The following ATP10A variants were observed in gnomAD, a reference collection of about 807,000 sequenced individuals.
ATP10A encodes the protein ATPase phospholipid transporting 10A (putative).
A neutral mutation model predicts 147.8 loss-of-function variants in ATP10A; 111 were observed. That is an observed-to-expected ratio of 0.75 (90% CI 0.64 to 0.88). ATP10A has a LOEUF of 0.88. ATP10A is among the 40% of genes least tolerant of loss of function. ATP10A has a pLI of 0.00. For missense variants in ATP10A, 1,927 were observed against 1,959.0 expected (o/e 0.98, Z 0.31); for synonymous variants, 875 against 841.6 (o/e 1.04, Z -0.69).
At chr15:25,815,043 C>A (rs1891591543) in intron 1 of ATP10A, among the ~76,000 whole-genome samples, 1 of 152,108 alleles carries the variant, frequency 6.6e-6, no homozygotes, top group South Asian at 2.1e-4. Flanking sequence ...GAAAAAGATG[C>A]CCAACAGAAT....
At chr15:25,729,873 A>G (rs910735912) in intron 3 of ATP10A, among the ~76,000 whole-genome samples, 1 of 151,966 alleles carries the variant, frequency 6.6e-6, no homozygotes, top group Admixed American at 6.5e-5. Flanking sequence ...TATCCATTGC[A>G]CACCCCAGTG....
chr15:25,721,743 G>C lies in ATP10A; in HGVS notation c.1277C>G (p.Ser426Ter), dbSNP rs1386486819. ...CTCTGTCAAAGTGCCAGTTTTATCT[G>C]AGAAAATGTACTGTATCTGTCCTAA... ...EDLGQIQYIF[S>*]DKTGTLTENK... Residue 426 changes from serine to a stop codon, truncating the protein, a stop_gained, in exon 7 of 21, where the codon TCA becomes TGA. Coordinates refer to ENST00000555815, the MANE Select transcript of ATP10A (RefSeq NM_024490.4). LOFTEE classifies it high-confidence loss of function. 6.2e-7 allele frequency: 1 copy of C among 1,614,152 alleles called. No homozygotes were observed. The highest frequency in any genetic ancestry group is 8.5e-7 in the Non-Finnish European group (1 of 1,180,024).
Position 25,863,049 on chromosome 15 carries a change from C to A in ATP10A, c.48G>T (p.Arg16=). 7.9e-7 allele frequency: 1 copy of A among 1,258,942 alleles called. No homozygotes were observed. The highest frequency in any genetic ancestry group is 3.0e-5 in the South Asian group (1 of 33,852). 78.0% of individuals were successfully genotyped at this position (1,258,942 alleles called of 1,614,324 possible). ...GCGTCCTGCCCTCTCGGCGCCTCCG[C>A]CGTCCCGGAGGCCCGGGCTCCTCGG... ...AGTEEPGPPG[R]RRRREGRTRT... is the part of the protein sequence containing the mutation. Residue 16 remains arginine, a synonymous_variant, in exon 1 of 21, where the codon CGG becomes CGT. Transcript: ENST00000555815.
chr15:25,792,810 C>G (rs898857748), intron 1 of ATP10A, among the ~76,000 whole-genome samples: 7 of 151,906 alleles, frequency 4.6e-5, no homozygotes, highest in African/African-American at 1.7e-4. Flanking sequence ...CCATCTTTAC[C>G]TGCACAACTT....
chr15:25,720,567 G>A (rs1395800946), intron 7 of ATP10A, among the ~76,000 whole-genome samples: 1 of 151,886 alleles, frequency 6.6e-6, no homozygotes, highest in Non-Finnish European at 1.5e-5. Context: ...GGAGGGGAAG[G>A]GGAGGAAGGA....
chr15:25,761,767 T>C (rs1244270591), intron 2 of ATP10A, among the ~76,000 whole-genome samples: 1 of 152,246 alleles, frequency 6.6e-6, no homozygotes, highest in Non-Finnish European at 1.5e-5. Context: ...CCATTGTATC[T>C]AGGAGGTAAC....
At chr15:25,680,028 T>A in intron 20 of ATP10A, 54 bp from the exon 21 acceptor site, 1 of 1,581,102 alleles carries the variant, frequency 6.3e-7, no homozygotes, top group African/African-American at 1.4e-5. Context: ...GTGGTGTCTT[T>A]GAGCTTCCAG....
At chr15:25,792,697 A>T (rs12439329) in intron 1 of ATP10A, among the ~76,000 whole-genome samples, 77,489 of 151,590 alleles carry the variant, frequency 0.51, 20,174 homozygotes, top group South Asian at 0.65. Flanking sequence ...TGCACCAGGC[A>T]CCTCCAGAGT....
At chr15:25,829,459 A>C (rs1291607488) in intron 1 of ATP10A, among the ~76,000 whole-genome samples, 1 of 152,220 alleles carries the variant, frequency 6.6e-6, no homozygotes, top group East Asian at 1.9e-4. Context: ...GTTCTTTCAA[A>C]AAAATTTTTT....
chr15:25,707,306 T>A (rs1901089890), intron 12 of ATP10A, among the ~76,000 whole-genome samples: 1 of 152,128 alleles, frequency 6.6e-6, no homozygotes, highest in Non-Finnish European at 1.5e-5. Flanking sequence ...GCTCGAGAAG[T>A]ACCACCTGAC....
chr15:25,697,263 C>A (rs997524294), intron 13 of ATP10A, among the ~76,000 whole-genome samples: 11 of 152,174 alleles, frequency 7.2e-5, no homozygotes, highest in Non-Finnish European at 1.5e-4. Context: ...GCCTTTGAAA[C>A]CAACACCCAG....
Position 25,810,361 on chromosome 15 carries a change from C to G in ATP10A, c.450-29138G>C, listed in dbSNP as rs531716120. ...ACCTACCGGGACCAAGCCCTAGGTA[C>G]CTGCACCGCTCAGCTGTCACCACTG... On this transcript the variant is annotated intron_variant, in intron 1 of 20. Transcript: ENST00000555815. Among the ~76,000 whole-genome samples, 4 of 152,308 alleles carry G rather than the reference C, an allele frequency of 2.6e-5. No individual in the cohort carries two copies. The South Asian group carries it at 8.3e-4, about 32-fold the overall frequency.
rs59769072 is a variant in ATP10A, at chr15:25,827,868, TA to T, written c.449+34779del. ...GGCAGAACTGACAGAATAGATTTTT[TA>T]AAAAGCACAATCCATCTATATGTGA... On this transcript the variant is annotated intron_variant, in intron 1 of 20. Transcript: ENST00000555815. Among the ~76,000 whole-genome samples the T allele has an allele frequency of 4.2e-3, 639 of 152,294 alleles. 3 individuals carry two copies. The highest frequency in any genetic ancestry group is 0.015 in the African/African-American group (614 of 41,560).
At chr15:25,793,882 C>T (rs1449640156) in intron 1 of ATP10A, among the ~76,000 whole-genome samples, 1 of 152,234 alleles carries the variant, frequency 6.6e-6, no homozygotes, top group Non-Finnish European at 1.5e-5. Context: ...AGATGCTCTG[C>T]TCTGTGGGAC....
intron 1 of ATP10A, among the ~76,000 whole-genome samples, chr15:25,791,261 TTTTC>T (rs142953924): frequency 0.42 from 63,920 of 151,346 alleles, 13,696 homozygotes; most frequent in Non-Finnish European, 0.46. Flanking sequence ...GGACATCTAC[TTTTC>T]TTTTAATGTG....
chr15:25,737,253 G>A (rs1306253455), intron 2 of ATP10A, among the ~76,000 whole-genome samples: 1 of 152,164 alleles, frequency 6.6e-6, no homozygotes, highest in East Asian at 1.9e-4. Flanking sequence ...AAGGAGTCTT[G>A]TGTTTATTTA....
At chr15:25,834,939 G>A (rs1292824366) in intron 1 of ATP10A, among the ~76,000 whole-genome samples, 2 of 152,172 alleles carry the variant, frequency 1.3e-5, no homozygotes, top group African/African-American at 4.8e-5. Context: ...GGAGGTGACA[G>A]CTAAGGAATA....
At position 25,679,353 on chromosome 15, in the gene ATP10A, C is replaced by T; in HGVS notation, c.4488G>A (p.Arg1496=). 1 of 1,523,944 alleles carries T rather than the reference C, an allele frequency of 6.6e-7. No individual in the cohort carries two copies. The highest frequency in any genetic ancestry group is 8.9e-7 in the Non-Finnish European group (1 of 1,128,272). 94.4% of individuals were successfully genotyped at this position (1,523,944 alleles called of 1,614,324 possible). A position where few individuals can be genotyped will look rare whatever the true frequency, so the allele number is the denominator to read the frequency against. ...CATTTCAAGGTTTTCACTGTGACCG[C>T]CTTGAAGATGCTCCTATAAGTAGTC... ...DHRLLIGASS[R]RSQ The change falls in exon 21 of 21, where the codon AGG becomes AGA. Residue 1496 remains arginine, a synonymous_variant. Coordinates refer to ENST00000555815, the MANE Select transcript of ATP10A (RefSeq NM_024490.4).
intron 2 of ATP10A, among the ~76,000 whole-genome samples, chr15:25,768,717 T>C: frequency 9.1e-6 from 1 of 110,130 alleles, no homozygotes; most frequent in South Asian, 2.8e-4. Flanking sequence ...TTGGTAGCAA[T>C]AGGGTCTCAA....
Sources: allele counts gnomAD v4.1 joint callset (sites outside exome capture counted in the v4.1 genomes callset), GRCh38; gene constraint gnomAD v4.1.1; transcripts MANE v1.5; gene names NCBI Gene and HGNC (gene_info 2026-07-23, HGNC 2026-07-21).